The following ZNF423 variants were observed in gnomAD, a reference collection of about 807,000 sequenced individuals.
ZNF423 encodes the protein Ebf-associated zinc finger protein.
ZNF423 carries 12 observed loss-of-function variants against 95.8 expected under a neutral mutation model. The observed-to-expected ratio is 0.13, with a 90% CI of 0.08 to 0.20. The LOEUF (loss-of-function observed/expected upper bound fraction) is 0.20. Among genes scored for constraint, ZNF423 ranks in the 10% least tolerant of loss-of-function variants. The probability of loss-of-function intolerance (pLI) is 1.00; values close to 1 mark genes in which losing one functional copy is unlikely to be tolerated. For synonymous variants in ZNF423, 749 were observed against 711.9 expected (o/e 1.05, Z -0.83); for missense variants, 1,316 against 1,737.1 (o/e 0.76, Z 4.31).
At position 49,636,369 on chromosome 16, in the gene ZNF423, C is replaced by T; in HGVS notation, c.2807G>A (p.Gly936Asp). 1 of 1,612,994 alleles carries T rather than the reference C, an allele frequency of 6.2e-7. No individual in the cohort carries two copies. The highest frequency in any genetic ancestry group is 1.1e-5 in the South Asian group (1 of 91,074). ...TGAACAAACGTTGCACTTGTGACTGCCCTTGATAAACTCAGCCTTCTTGCG... is the reference window on the plus strand; with the variant it reads ...TGAACAAACGTTGCACTTGTGACTGTCCTTGATAAACTCAGCCTTCTTGCG... Reference protein sequence around the residue: ...GSRKKAEFIKGSHKCNVCSRT... With the variant: ...GSRKKAEFIKDSHKCNVCSRT... Residue 936 changes from glycine (G) to aspartate (D), a missense_variant, in exon 4 of 8, where the codon GGC becomes GAC. Gly to Asp is a moderately conservative substitution (Grantham distance 94, BLOSUM62 -1). Around this residue, in one of 6 missense-constraint regions of ZNF423, gnomAD observed 620 missense variants for 775.6 expected, o/e 0.80. Transcript: ENST00000563137. This position sits in a 1 kb window ranked among gnomAD's most constrained non-coding sequence, Gnocchi z 8.6.
chr16:49,677,147 G>C (rs2031086542), intron 3 of ZNF423, among the ~76,000 whole-genome samples: 2 of 149,782 alleles, frequency 1.3e-5, no homozygotes, highest in South Asian at 4.3e-4. Context: ...GAACCCGGGA[G>C]GCGAAGGCTG....
At chr16:49,670,030 T>G (rs2030736124) in intron 3 of ZNF423, among the ~76,000 whole-genome samples, 1 of 152,176 alleles carries the variant, frequency 6.6e-6, no homozygotes, top group Admixed American at 6.5e-5. Context: ...TCCGTTCCCC[T>G]GCATCAGGGC....
At chr16:49,799,772 G>GT (rs1157428229) in intron 1 of ZNF423, among the ~76,000 whole-genome samples, 1 of 152,140 alleles carries the variant, frequency 6.6e-6, no homozygotes, top group African/African-American at 2.4e-5. Context: ...AACACTTGAA[G>GT]TTTTCTTTGT....
chr16:49,769,980 C>G (rs1219458249), intron 2 of ZNF423, among the ~76,000 whole-genome samples: 1 of 152,114 alleles, frequency 6.6e-6, no homozygotes, highest in Non-Finnish European at 1.5e-5. Flanking sequence ...TCCTCACCTC[C>G]CACCACTCTA....
At chr16:49,716,833 T>TCTC (rs141529275) in intron 3 of ZNF423, among the ~76,000 whole-genome samples, 1,752 of 152,272 alleles carry the variant, frequency 0.012, 34 homozygotes, top group African/African-American at 0.04. Context: ...TACGGGATGA[T>TCTC]CTGCTGGGAG....
Position 49,490,633 on chromosome 16 carries a change from C to T in ZNF423, c.*642G>A, listed in dbSNP as rs1966920087. ...AATCGCATGGATTCCCTTTATTGAA[C>T]TGTACTAGTTACTGCAGTCAGATTA... is the stretch of plus-strand genomic sequence containing the variant. On this transcript the variant is annotated 3_prime_UTR_variant, in exon 8 of 8. Transcript: ENST00000563137. 6.6e-6 allele frequency: 1 copy of T among 152,638 alleles called. No individual in the cohort carries two copies. Among genetic ancestry groups the T allele is most frequent in the African/African-American group, 2.4e-5 (1 of 41,430 alleles). 9.5% of individuals were successfully genotyped at this position (152,638 alleles called of 1,614,324 possible).
intron 1 of ZNF423, among the ~76,000 whole-genome samples, chr16:49,853,015 CT>C (rs2035318390): frequency 6.6e-6 from 1 of 152,166 alleles, no homozygotes; most frequent in Admixed American, 6.5e-5. Context: ...TCTTTCCTTC[CT>C]GCTATGGACT....
At chr16:49,731,055 A>G (rs1479598871) in intron 2 of ZNF423, 84 bp from the exon 3 acceptor site, 3 of 1,460,828 alleles carry the variant, frequency 2.1e-6, no homozygotes, top group East Asian at 2.3e-5. Context: ...ATTTATTAAG[A>G]TACATTTAAT....
At position 49,569,756 on chromosome 16, in the gene ZNF423, G is replaced by A. The variant is rs75082887; in HGVS notation, c.3602-44262C>T. Among the ~76,000 whole-genome samples the A allele has an allele frequency of 3.9e-3, 597 of 152,238 alleles. 5 individuals carry two copies. The highest frequency in any genetic ancestry group is 0.014 in the African/African-American group (569 of 41,536). On this transcript the variant is annotated intron_variant, in intron 5 of 7. Coordinates refer to ENST00000563137, the MANE Select transcript of ZNF423 (RefSeq NM_001379286.1). ...GGAAAAAAAGACTGGCAGCTTAAAC[G>A]GGCCATTCTTTAAATAAATGAATAA...
At chr16:49,830,095 A>G (rs2144053213) in intron 1 of ZNF423, among the ~76,000 whole-genome samples, 1 of 152,334 alleles carries the variant, frequency 6.6e-6, no homozygotes, top group Non-Finnish European at 1.5e-5. Context: ...CATTAAAAAG[A>G]GCAAGAGAGA....
Position 49,789,559 on chromosome 16 carries a change from A to G in ZNF423, c.41-13T>C. ...TCCCCCTCTTCAACTGAAAGAGAGA[A>G]CAGAGATGGGCCTGTGAGTTTGAAG... On this transcript the variant is annotated splice_polypyrimidine_tract_variant and intron_variant, in intron 1 of 7. Transcript: ENST00000563137. The G allele has an allele frequency of 6.2e-7, 1 of 1,611,278 alleles. No individual in the cohort carries two copies.
At chr16:49,765,664 T>C (rs1214482556) in intron 2 of ZNF423, among the ~76,000 whole-genome samples, 1 of 151,920 alleles carries the variant, frequency 6.6e-6, no homozygotes, top group Non-Finnish European at 1.5e-5. Context: ...AGGCTGCAGT[T>C]TGCCATGATC....
chr16:49,588,649 CT>C (rs1423041150), intron 5 of ZNF423, among the ~76,000 whole-genome samples: 8 of 152,360 alleles, frequency 5.3e-5, no homozygotes, highest in African/African-American at 1.9e-4. Flanking sequence ...TAATCCTAAA[CT>C]GTTTATAACA....
intron 2 of ZNF423, among the ~76,000 whole-genome samples, chr16:49,788,676 C>G (rs953441146): frequency 2.0e-5 from 3 of 152,174 alleles, no homozygotes; most frequent in African/African-American, 4.8e-5. Flanking sequence ...CCAGAAAAAG[C>G]TGGTCAGGAT....
At chr16:49,693,561 G>A (rs78812600) in intron 3 of ZNF423, among the ~76,000 whole-genome samples, 5,356 of 152,198 alleles carry the variant, frequency 0.035, 145 homozygotes, top group East Asian at 0.071. Context: ...CTCCCTACCC[G>A]CTATGTGATT....
At chr16:49,630,526 G>A (rs1972461334) in intron 4 of ZNF423, among the ~76,000 whole-genome samples, 1 of 152,124 alleles carries the variant, frequency 6.6e-6, no homozygotes, top group Admixed American at 6.5e-5. Flanking sequence ...TAGGTGGGTG[G>A]GTGGGAGGAT....
chr16:49,708,547 C>T (rs187881541), intron 3 of ZNF423, among the ~76,000 whole-genome samples: 13 of 152,286 alleles, frequency 8.5e-5, no homozygotes, highest in African/African-American at 3.1e-4. Context: ...GTCTCGGCTT[C>T]CCAAAGTGCT....
At chr16:49,493,896 G>T (rs1567421737) in intron 7 of ZNF423, among the ~76,000 whole-genome samples, 1 of 152,282 alleles carries the variant, frequency 6.6e-6, no homozygotes, top group East Asian at 1.9e-4. Context: ...ACGGACAGTG[G>T]AGGCCTTGAG....
intron 5 of ZNF423, among the ~76,000 whole-genome samples, chr16:49,590,426 G>C (rs1970978331): frequency 6.6e-6 from 1 of 152,102 alleles, no homozygotes; most frequent in African/African-American, 2.4e-5. Flanking sequence ...TGCTTCGGGG[G>C]GCAAGGGTCT....
Sources: gnomAD v4.1 joint callset for allele counts (sites outside exome capture counted in the v4.1 genomes callset) on GRCh38, gnomAD v4.1.1 for gene constraint, gnomAD v4.1.1 regional missense constraint, Gnocchi (gnomAD v3.1) non-coding constraint, MANE v1.5 for transcripts, NCBI Gene and HGNC (gene_info 2026-07-23, HGNC 2026-07-21) for gene names.